VRK3: variants seen among roughly 807,000 people sequenced by gnomAD.
VRK3 encodes the protein serine/threonine-protein kinase VRK3.
In VRK3, 50 loss-of-function variants were observed where a neutral mutation model predicts 60.4. That is an observed-to-expected ratio of 0.83 (90% CI 0.66 to 1.05). The LOEUF is 1.05. Ranked by LOEUF, VRK3 falls within the 50% of genes least tolerant of loss-of-function variation. VRK3 has a pLI of 0.00. For synonymous variants in VRK3, 246 were observed against 227.8 expected (o/e 1.08, Z -0.72); for missense variants, 549 against 585.3 (o/e 0.94, Z 0.64).
chr19:50,012,028 A>T (rs769510879), intron 3 of VRK3, among the ~76,000 whole-genome samples: 1 of 150,378 alleles, frequency 6.6e-6, no homozygotes, highest in Non-Finnish European at 1.5e-5. Context: ...CTGGAGTGCA[A>T]TGGCGCAATC....
At chr19:50,000,548 C>T in intron 6 of VRK3, 1 of 560,890 alleles carries the variant, frequency 1.8e-6, no homozygotes, top group Non-Finnish European at 3.2e-6. Flanking sequence ...GATGGGCTTG[C>T]CCAGGTCACA....
intron 12 of VRK3, among the ~76,000 whole-genome samples, chr19:49,983,379 C>G (rs1307262316): frequency 2.6e-5 from 4 of 152,254 alleles, no homozygotes. Flanking sequence ...CCCAAGAAGT[C>G]TTCCCCAGAC....
At chr19:50,015,224 A>C (rs1383417114) in intron 3 of VRK3, among the ~76,000 whole-genome samples, 2 of 152,138 alleles carry the variant, frequency 1.3e-5, no homozygotes, top group Non-Finnish European at 2.9e-5. Flanking sequence ...CAAATCCGGA[A>C]ATCTGAAATG....
intron 12 of VRK3, among the ~76,000 whole-genome samples, chr19:49,983,476 G>C (rs1019188283): frequency 3.3e-5 from 5 of 152,258 alleles, no homozygotes; most frequent in Middle Eastern, 6.8e-3. Flanking sequence ...ACATGCGCAG[G>C]AAGGCCCGGT....
chr19:50,015,236 A>G (rs1487043040), intron 3 of VRK3, among the ~76,000 whole-genome samples: 1 of 152,140 alleles, frequency 6.6e-6, no homozygotes, highest in South Asian at 2.1e-4. Flanking sequence ...TCTGAAATGC[A>G]AAATGCTCCA....
intron 5 of VRK3, among the ~76,000 whole-genome samples, chr19:50,002,535 C>T (rs1015054185): frequency 1.3e-5 from 2 of 152,096 alleles, no homozygotes; most frequent in African/African-American, 4.8e-5. Flanking sequence ...AATGACAATG[C>T]GTACGTGCCC....
In VRK3 at chr19:50,007,583, C is replaced by T. The variant is rs775262222; in HGVS notation, c.533G>A (p.Gly178Asp). The change falls in exon 5 of 15, where the codon GGC (glycine) becomes GAC (aspartate). Residue 178 changes from glycine (G) to aspartate (D), a missense_variant. Physicochemically the swap from Gly to Asp is moderately conservative, Grantham distance 94. Coordinates refer to ENST00000316763, the MANE Select transcript of VRK3 (RefSeq NM_016440.4). Reference sequence around the variant, plus strand: ...ACAGAGTGTACCTTCATAGAGAATGCCCTGGTTGTCCCTGGTCTGGAAGGA... The same window carrying T: ...ACAGAGTGTACCTTCATAGAGAATGTCCTGGTTGTCCCTGGTCTGGAAGGA... ...LKSFQTRDNQ[G>D]ILYEAAPTST... 3 of 1,614,250 alleles carry T rather than the reference C, an allele frequency of 1.9e-6. No homozygotes were observed. The highest frequency in any genetic ancestry group is 2.5e-6 in the Non-Finnish European group (3 of 1,180,050).
chr19:50,019,503 C>G (rs921518246), intron 2 of VRK3, among the ~76,000 whole-genome samples: 4 of 151,628 alleles, frequency 2.6e-5, no homozygotes, highest in African/African-American at 7.3e-5. Flanking sequence ...CCTAGCCAGA[C>G]TGTACACTTC....
intron 11 of VRK3, 40 bp from the exon 12 acceptor site, chr19:49,988,532 C>A: frequency 6.2e-7 from 1 of 1,602,382 alleles, no homozygotes; most frequent in South Asian, 1.1e-5. Context: ...CAAGTCTGGA[C>A]GCTCCACTCA....
Position 49,979,149 on chromosome 19 carries a change from A to G in VRK3, c.1370T>C (p.Leu457Pro), listed in dbSNP as rs1329222833. ...AMLRNNLEALLQDLRVSPYDP... is the reference protein window; with the variant it reads ...AMLRNNLEALPQDLRVSPYDP... ...ATATGGAGACACACGCAGATCCTGC[A>G]GCAAAGCTTCTAGGTTGTTCCTCAG... Residue 457 changes from leucine (L) to proline (P), a missense_variant, in exon 14 of 15, where the codon CTG becomes CCG. Transcript: ENST00000316763. 1.2e-6 allele frequency: 2 copies of G among 1,614,034 alleles called. No individual in the cohort carries two copies. Among genetic ancestry groups the G allele is most frequent in the Non-Finnish European group, 1.7e-6 (2 of 1,179,936 alleles).
At chr19:50,012,424 T>A (rs1328771176) in intron 3 of VRK3, among the ~76,000 whole-genome samples, 1 of 152,216 alleles carries the variant, frequency 6.6e-6, no homozygotes, top group African/African-American at 2.4e-5. Context: ...TTATTCAATG[T>A]CTGTTGTCTT....
intron 2 of VRK3, among the ~76,000 whole-genome samples, 178 bp from the exon 3 acceptor site, chr19:50,016,341 C>T (rs887992479): frequency 6.6e-6 from 1 of 152,198 alleles, no homozygotes; most frequent in Non-Finnish European, 1.5e-5. Flanking sequence ...AGTCAATGTT[C>T]CCCAAATATC....
At chr19:50,020,077 G>A (rs1276236616) in intron 2 of VRK3, among the ~76,000 whole-genome samples, 2 of 148,478 alleles carry the variant, frequency 1.3e-5, no homozygotes, top group Admixed American at 6.7e-5. Flanking sequence ...TTTTGCTCTT[G>A]TTGCCCAGGC....
chr19:49,981,177 A>G (rs538029602), intron 12 of VRK3, 164 bp from the exon 13 acceptor site: 5 of 656,348 alleles, frequency 7.6e-6, no homozygotes, highest in Admixed American at 4.7e-5. Context: ...GAATCAACCA[A>G]TCCACTACCA....
Position 49,988,476 on chromosome 19 carries a change from G to A in VRK3, c.1113C>T (p.Ser371=), listed in dbSNP as rs73932268. 15,916 of 1,612,854 alleles carry A rather than the reference G, an allele frequency of 9.9e-3. 1,353 individuals carry two copies. The African/African-American group carries it at 0.19, about 19-fold the overall frequency. ...TGCAGTAGCCCAGGCTCTGGAGGTC[G>A]CTGCGGCGGGAGGGCCCTGGGGAAG... ...LHKGCGPSRR[S]DLQSLGYCML... The change falls in exon 12 of 15, where the codon AGC becomes AGT. Residue 371 remains serine (S), a synonymous_variant. Coordinates refer to ENST00000316763, the MANE Select transcript of VRK3 (RefSeq NM_016440.4).
intron 5 of VRK3, 61 bp downstream of exon 5, chr19:50,007,508 C>T (rs2076916458): frequency 1.9e-6 from 3 of 1,598,526 alleles, no homozygotes; most frequent in Non-Finnish European, 2.6e-6. Context: ...GAACGGGGTC[C>T]CCTCCCACTG....
At chr19:49,988,326 G>A (rs767574753) in intron 12 of VRK3, 46 bp downstream of exon 12, 1 of 1,563,184 alleles carries the variant, frequency 6.4e-7, no homozygotes, top group Non-Finnish European at 8.6e-7. Flanking sequence ...CACCTGCAGG[G>A]GTTCTGCTGA....
intron 2 of VRK3, among the ~76,000 whole-genome samples, chr19:50,019,703 T>A (rs2077139054): frequency 9.2e-6 from 1 of 109,130 alleles, no homozygotes; most frequent in African/African-American, 4.7e-5. Flanking sequence ...TTTTTTTTTT[T>A]TTTTTTTTTT....
chr19:49,978,245 G>A (rs1399566287), intron 14 of VRK3, among the ~76,000 whole-genome samples: 1 of 152,154 alleles, frequency 6.6e-6, no homozygotes, highest in Non-Finnish European at 1.5e-5. Context: ...CCCCCAGGGT[G>A]GTGCCAAATC....
Sources: allele counts gnomAD v4.1 joint callset (sites outside exome capture counted in the v4.1 genomes callset), GRCh38; gene constraint gnomAD v4.1.1; transcripts MANE v1.5; gene names NCBI Gene and HGNC (gene_info 2026-07-23, HGNC 2026-07-21).